Variants in IGSF10 observed in about 807,000 individuals in gnomAD.
IGSF10 encodes the protein immunoglobulin superfamily member 10, also known as calvaria mechanical force protein 608.
In IGSF10, 126 loss-of-function variants were observed where a neutral mutation model predicts 128.2. The observed-to-expected ratio is 0.98, with a 90% CI of 0.85 to 1.14. The LOEUF (loss-of-function observed/expected upper bound fraction) is 1.14. IGSF10 is among the 50% of genes most tolerant of loss of function. IGSF10 has a pLI of 0.00. For synonymous variants in IGSF10, 1,185 were observed against 1,146.2 expected, an observed-to-expected ratio of 1.03 and a Z score of -0.68; for missense variants, 3,295 against 3,149.8, an observed-to-expected ratio of 1.05 and a Z score of -1.10.
chr3:151,439,610 T>C (rs541239121), intron 7 of IGSF10, among the ~76,000 whole-genome samples: 4 of 152,252 alleles, frequency 2.6e-5, no homozygotes, highest in African/African-American at 7.2e-5. Flanking sequence ...ATGAAACTGT[T>C]TTAGAAAAAA....
the IGSF10 span, among the ~76,000 whole-genome samples, chr3:151,505,384 T>A: frequency 1.3e-5 from 2 of 152,176 alleles, no homozygotes; most frequent in African/African-American, 4.8e-5. Flanking sequence ...AACCACCCCA[T>A]GATTTAGTTA....
chr3:151,594,087 G>C, the IGSF10 span, among the ~76,000 whole-genome samples: 3 of 152,106 alleles, frequency 2.0e-5, no homozygotes, highest in African/African-American at 7.2e-5. Flanking sequence ...GCTCTTTCCA[G>C]TAGTTAAATT....
At chr3:151,465,832 C>T (rs189788445), upstream of IGSF10, among the ~76,000 whole-genome samples, 649 of 152,272 alleles carry the variant, frequency 4.3e-3, 2 homozygotes, top group Non-Finnish European at 6.0e-3. Context: ...CTAATTTAAT[C>T]GGTAGACAAG....
rs1385614712 is a variant in IGSF10, at chr3:151,437,862, T to C, written c.6699A>G (p.Lys2233=). 4 of 1,614,016 alleles carry C rather than the reference T, an allele frequency of 2.5e-6. No individual in the cohort carries two copies. Among genetic ancestry groups the C allele is most frequent in the South Asian group, 2.2e-5 (2 of 91,064 alleles). Residue 2233 remains lysine, a synonymous_variant, in exon 8 of 8, where the codon AAA becomes AAG. Coordinates refer to ENST00000282466, the MANE Select transcript of IGSF10 (RefSeq NM_178822.5). ...TKMYKLDVVS[K]PPLINGLYTN... is the part of the protein sequence containing the mutation. Reference sequence around the variant, plus strand: ...TATACAGACCATTGATTAATGGAGGTTTAGAGACCACATCCAGTTTGTACA... The same window carrying C: ...TATACAGACCATTGATTAATGGAGGCTTAGAGACCACATCCAGTTTGTACA...
chr3:151,443,226 TAGG>T lies in IGSF10; in HGVS notation c.5718_5720del (p.Asn1906_Leu1907delinsLys). ...CATAAGTGCCCCTGTCTGAAGAGGC[TAGG>T]TTTCTTATATACAAAGTCCCATTTG... On this transcript the variant is annotated inframe_deletion, in exon 7 of 8. Transcript: ENST00000282466. 6.2e-7 allele frequency: 1 copy of T among 1,613,310 alleles called. No homozygotes were observed. Among genetic ancestry groups the T allele is most frequent in the Non-Finnish European group, 8.5e-7 (1 of 1,179,614 alleles).
upstream of IGSF10, chr3:151,461,156 C>A (rs573653332): frequency 1.0e-4 from 99 of 985,380 alleles, no homozygotes; most frequent in Middle Eastern, 3.1e-3. Context: ...ACCACCGGGC[C>A]CCTCTTTATG....
In IGSF10 at chr3:151,438,421, C is replaced by G; in HGVS notation, c.6140G>C (p.Arg2047Thr). 6.2e-7 allele frequency: 1 copy of G among 1,614,144 alleles called. No homozygotes were observed. The highest frequency in any genetic ancestry group is 8.5e-7 in the Non-Finnish European group (1 of 1,180,024). The change falls in exon 8 of 8, where the codon AGA (arginine) becomes ACA (threonine). Residue 2047 changes from arginine (R) to threonine (T), a missense_variant. By Grantham distance (71) the Arg-to-Thr change is moderately conservative (BLOSUM62 -1). Transcript: ENST00000282466. ...PAKIDHKQYFRKQVLHGKDFQ... is the reference protein window; with the variant it reads ...PAKIDHKQYFTKQVLHGKDFQ... Reference sequence around the variant, plus strand: ...ATCTTTCCCATGGAGCACTTGCTTTCTAAAATACTGCTTGTGGTCAATTTT... The same window carrying G: ...ATCTTTCCCATGGAGCACTTGCTTTGTAAAATACTGCTTGTGGTCAATTTT...
the IGSF10 span, among the ~76,000 whole-genome samples, chr3:151,574,786 G>A: frequency 6.6e-6 from 1 of 152,168 alleles, no homozygotes; most frequent in Admixed American, 6.5e-5. Flanking sequence ...CAATCCTTTG[G>A]AGGAGAAAAG....
chr3:151,434,060 A>C (rs1053376971), downstream of IGSF10: 4 of 152,674 alleles, frequency 2.6e-5, no homozygotes, highest in East Asian at 5.8e-4. Flanking sequence ...TAGATGCATA[A>C]AATTTTGAAT....
chr3:151,531,103 T>C, the IGSF10 span, among the ~76,000 whole-genome samples: 1 of 152,128 alleles, frequency 6.6e-6, no homozygotes, highest in African/African-American at 2.4e-5. Flanking sequence ...GGGCATTACA[T>C]AATGGTAAAG....
the IGSF10 span, among the ~76,000 whole-genome samples, chr3:151,559,895 G>A: frequency 6.6e-6 from 1 of 152,136 alleles, no homozygotes; most frequent in African/African-American, 2.4e-5. Flanking sequence ...CCTGGTATCT[G>A]TCTGAAATAT....
the IGSF10 span, among the ~76,000 whole-genome samples, chr3:151,595,893 G>A: frequency 6.6e-6 from 1 of 152,108 alleles, no homozygotes; most frequent in Non-Finnish European, 1.5e-5. Flanking sequence ...ACAACATGAG[G>A]AATACAGTTA....
chr3:151,485,235 G>A, the IGSF10 span, among the ~76,000 whole-genome samples: 1 of 151,912 alleles, frequency 6.6e-6, no homozygotes, highest in East Asian at 1.9e-4. Flanking sequence ...AATAAAGCAA[G>A]AAGACATGAT....
At chr3:151,550,382 T>G in the IGSF10 span, among the ~76,000 whole-genome samples, 21 of 152,316 alleles carry the variant, frequency 1.4e-4, no homozygotes, top group African/African-American at 4.6e-4. Context: ...GAATTTATTT[T>G]TAAGTGTTCT....
the IGSF10 span, among the ~76,000 whole-genome samples, chr3:151,505,780 A>T: frequency 7.9e-5 from 12 of 151,964 alleles, no homozygotes; most frequent in Non-Finnish European, 1.3e-4. Context: ...ACATTTAAAG[A>T]CTTTATAAAA....
At chr3:151,457,782 A>C (rs1238867349) in intron 3 of IGSF10, among the ~76,000 whole-genome samples, 13 of 152,228 alleles carry the variant, frequency 8.5e-5, no homozygotes, top group Admixed American at 7.8e-4. Context: ...CCTTAATGTT[A>C]GCTCTTAATA....
chr3:151,517,481 A>C, the IGSF10 span, among the ~76,000 whole-genome samples: 24 of 152,106 alleles, frequency 1.6e-4, no homozygotes, highest in African/African-American at 5.5e-4. Flanking sequence ...AAAAGTTTTA[A>C]ATCTTTGCAT....
the IGSF10 span, among the ~76,000 whole-genome samples, chr3:151,587,110 C>A: frequency 0.17 from 26,146 of 150,474 alleles, 2,298 homozygotes; most frequent in Non-Finnish European, 0.19. Flanking sequence ...CAAAAAAAAA[C>A]CTCACAACTT....
At chr3:151,619,158 A>C in the IGSF10 span, among the ~76,000 whole-genome samples, 2 of 152,284 alleles carry the variant, frequency 1.3e-5, no homozygotes, top group African/African-American at 2.4e-5. Context: ...ATGGAGAATA[A>C]ACATATAAAG....
Sources: gnomAD v4.1 joint callset for allele counts (sites outside exome capture counted in the v4.1 genomes callset) on GRCh38, gnomAD v4.1.1 for gene constraint, MANE v1.5 for transcripts, NCBI Gene and HGNC (gene_info 2026-07-23, HGNC 2026-07-21) for gene names.